Variants in BAX observed in about 807,000 individuals in gnomAD.
BAX encodes apoptosis regulator BAX.
In BAX, 21 loss-of-function variants were observed where a neutral mutation model predicts 26.8. The observed-to-expected ratio is 0.78, with a 90% CI of 0.56 to 1.13. The LOEUF is 1.13. BAX is among the 50% of genes most tolerant of loss of function. The probability of loss-of-function intolerance (pLI) is 0.00; values close to 1 mark genes in which losing one functional copy is unlikely to be tolerated. For synonymous variants in BAX, 110 were observed against 101.8 expected, an observed-to-expected ratio of 1.08 and a Z score of -0.49; for missense variants, 236 against 254.6, an observed-to-expected ratio of 0.93 and a Z score of 0.50.
intron 4 of BAX, among the ~76,000 whole-genome samples, chr19:48,957,331 A>G (rs552277006): frequency 2.6e-4 from 33 of 126,768 alleles, no homozygotes; most frequent in African/African-American, 6.3e-4. Flanking sequence ...CTGGAGTGCA[A>G]TGGCGCCATC....
Position 48,955,567 on chromosome 19 carries a change from G to C in BAX, c.54G>C (p.Gln18His). 6.2e-7 allele frequency: 1 copy of C among 1,613,974 alleles called. No homozygotes were observed. Among genetic ancestry groups the C allele is most frequent in the Non-Finnish European group, 8.5e-7 (1 of 1,179,940 alleles). Residue 18 changes from glutamine to histidine, a missense_variant, in exon 2 of 6, where the codon CAG (glutamine) becomes CAC (histidine). By Grantham distance (24) the Gln-to-His change is conservative (BLOSUM62 0). Coordinates refer to ENST00000345358, the MANE Select transcript of BAX (RefSeq NM_138761.4). ...CTCTAGGGCCCACCAGCTCTGAGCAGATCATGAAGACAGGGGCCCTTTTGC... is the reference window on the plus strand; with the variant it reads ...CTCTAGGGCCCACCAGCTCTGAGCACATCATGAAGACAGGGGCCCTTTTGC... ...PRGGGPTSSE[Q>H]IMKTGALLLQ... is the part of the protein sequence containing the mutation.
chr19:48,960,747 G>T, intron 4 of BAX, 63 bp from the exon 5 acceptor site: 1 of 1,360,178 alleles, frequency 7.4e-7, no homozygotes, highest in South Asian at 1.3e-5. Flanking sequence ...GGAGGTTTGG[G>T]GCCACTATCT....
Position 48,960,839 on chromosome 19 carries a change from C to T in BAX, c.399C>T (p.Ile133=), listed in dbSNP as rs1249224639. The change falls in exon 5 of 6, where the codon ATC becomes ATT. Residue 133 remains isoleucine (I), a synonymous_variant. Transcript: ENST00000345358. ...KALCTKVPEL[I]RTIMGWTLDF... The stretch of plus-strand genomic sequence containing the variant: ...TGTGCACCAAGGTGCCGGAACTGAT[C>T]AGAACCATCATGGGCTGGACATTGG... 3.7e-6 allele frequency: 6 copies of T among 1,613,954 alleles called. No homozygotes were observed. The highest frequency in any genetic ancestry group is 5.1e-6 in the Non-Finnish European group (6 of 1,179,982).
intron 4 of BAX, among the ~76,000 whole-genome samples, chr19:48,959,660 C>CA (rs1229929205): frequency 0.039 from 3,679 of 94,614 alleles, 56 homozygotes; most frequent in African/African-American, 0.067. Context: ...ACTAAAAATT[C>CA]AAAAAAAAAA....
chr19:48,956,060 C>T (rs1322666548), intron 3 of BAX, 138 bp from the exon 4 acceptor site: 8 of 1,232,128 alleles, frequency 6.5e-6, no homozygotes, highest in Non-Finnish European at 8.8e-6. Context: ...CTTCCCTTGT[C>T]CCCCGTTGGC....
intron 4 of BAX, among the ~76,000 whole-genome samples, chr19:48,957,521 C>T (rs190154938): frequency 0.021 from 3,075 of 149,820 alleles, 69 homozygotes; most frequent in East Asian, 0.082. Flanking sequence ...GTGATCCGCC[C>T]ACCTTGGCCT....
chr19:48,955,818 A>T lies in BAX; in HGVS notation c.218A>T (p.Asn73Ile). 1 of 1,602,920 alleles carries T rather than the reference A, an allele frequency of 6.2e-7. No homozygotes were observed. The highest frequency in any genetic ancestry group is 8.5e-7 in the Non-Finnish European group (1 of 1,173,712). ...LKRIGDELDS[N>I]MELQRMIAAV... ...CGCATCGGGGACGAACTGGACAGTA[A>T]CATGGAGCTGCAGAGGTGTGGGCCC... is the stretch of plus-strand genomic sequence containing the variant. The change falls in exon 3 of 6, where the codon AAC (asparagine) becomes ATC (isoleucine). Residue 73 changes from asparagine to isoleucine, a missense_variant. Physicochemically the swap from Asn to Ile is moderately radical, Grantham distance 149. Coordinates refer to ENST00000345358, the MANE Select transcript of BAX (RefSeq NM_138761.4).
At chr19:48,959,852 G>T (rs910414654) in intron 4 of BAX, among the ~76,000 whole-genome samples, 1 of 151,404 alleles carries the variant, frequency 6.6e-6, no homozygotes, top group Admixed American at 6.6e-5. Context: ...AATTAGCCAG[G>T]CATGTTGGCA....
chr19:48,958,576 C>T (rs1276041086), intron 4 of BAX, among the ~76,000 whole-genome samples: 5 of 148,414 alleles, frequency 3.4e-5, no homozygotes, highest in East Asian at 4.0e-4. Flanking sequence ...GAGTCTCTCT[C>T]GGTTGCACCC....
At chr19:48,961,194 C>T in intron 5 of BAX, 3 of 1,497,076 alleles carry the variant, frequency 2.0e-6, no homozygotes, top group Non-Finnish European at 2.7e-6. Flanking sequence ...CCTGGAGCCT[C>T]CACTGCCTCT....
rs1387292547 is a variant in BAX, at chr19:48,955,828, G to A, written c.228G>A (p.Leu76=). 1 of 1,593,092 alleles carries A rather than the reference G, an allele frequency of 6.3e-7. No homozygotes were observed. Among genetic ancestry groups the A allele is most frequent in the Middle Eastern group, 1.7e-4 (1 of 5,928 alleles). ...IGDELDSNME[L]QRMIAAVDTD... is the part of the protein sequence containing the mutation. ...ACGAACTGGACAGTAACATGGAGCT[G>A]CAGAGGTGTGGGCCCCTGAGGACCC... The change falls in exon 3 of 6, where the codon CTG becomes CTA. Residue 76 remains leucine, a synonymous_variant. Coordinates refer to ENST00000345358, the MANE Select transcript of BAX (RefSeq NM_138761.4).
chr19:48,957,869 T>G (rs1024079687), intron 4 of BAX, among the ~76,000 whole-genome samples: 9 of 152,140 alleles, frequency 5.9e-5, no homozygotes, highest in Admixed American at 4.6e-4. Flanking sequence ...TAATTATAGG[T>G]GGCGGCTATA....
chr19:48,955,799 G>A lies in BAX; in HGVS notation c.199G>A (p.Gly67Arg), dbSNP rs398122513. ...GCTGAGCGAGTGTCTCAAGCGCATC[G>A]GGGACGAACTGGACAGTAACATGGA... The part of the protein sequence containing the change: ...KKLSECLKRI[G>R]DELDSNMELQ... The change falls in exon 3 of 6, where the codon GGG becomes AGG. Residue 67 changes from glycine to arginine, a missense_variant. By Grantham distance (125) the Gly-to-Arg change is moderately radical. Transcript: ENST00000345358. 1 of 1,611,064 alleles carries A rather than the reference G, an allele frequency of 6.2e-7. No individual in the cohort carries two copies. Among genetic ancestry groups the A allele is most frequent in the Non-Finnish European group, 8.5e-7 (1 of 1,178,482 alleles).
rs745430026 is a variant in BAX, at chr19:48,955,717, G to A, written c.117G>A (p.Gly39=). The A allele has an allele frequency of 6.2e-6, 10 of 1,612,944 alleles. No homozygotes were observed. The highest frequency in any genetic ancestry group is 1.1e-5 in the South Asian group (1 of 90,978). Residue 39 remains glycine (G), a synonymous_variant, in exon 3 of 6, where the codon GGG becomes GGA. Coordinates refer to ENST00000345358, the MANE Select transcript of BAX (RefSeq NM_138761.4). Reference sequence around the variant, plus strand: ...TCCAGGATCGAGCAGGGCGAATGGGGGGGGAGGCACCCGAGCTGGCCCTGG... The same window carrying A: ...TCCAGGATCGAGCAGGGCGAATGGGAGGGGAGGCACCCGAGCTGGCCCTGG... ...GFIQDRAGRM[G]GEAPELALDP...
chr19:48,956,581 C>T (rs1293770125), intron 4 of BAX, among the ~76,000 whole-genome samples: 1 of 152,022 alleles, frequency 6.6e-6, no homozygotes, highest in Non-Finnish European at 1.5e-5. Flanking sequence ...TCCCTGCTCT[C>T]AGGGAGTTCA....
chr19:48,956,260 T>A lies in BAX; in HGVS notation c.296T>A (p.Met99Lys). The stretch of plus-strand genomic sequence containing the variant: ...GTCTTTTTCCGAGTGGCAGCTGACA[T>A]GTTTTCTGACGGCAACTTCAACTGG... ...REVFFRVAAD[M>K]FSDGNFNWGR... The change falls in exon 4 of 6, where the codon ATG (methionine) becomes AAG (lysine). Residue 99 changes from methionine (M) to lysine (K), a missense_variant. Met to Lys is a moderately conservative substitution (Grantham distance 95, BLOSUM62 -1). Coordinates refer to ENST00000345358, the MANE Select transcript of BAX (RefSeq NM_138761.4). The A allele has an allele frequency of 6.3e-7, 1 of 1,589,524 alleles. No homozygotes were observed. The highest frequency in any genetic ancestry group is 8.6e-7 in the Non-Finnish European group (1 of 1,168,806).
In BAX at chr19:48,956,255, T is replaced by G. The variant is rs1438637392; in HGVS notation, c.291T>G (p.Ala97=). The G allele has an allele frequency of 6.3e-7, 1 of 1,589,672 alleles. No individual in the cohort carries two copies. Among genetic ancestry groups the G allele is most frequent in the East Asian group, 2.3e-5 (1 of 42,632 alleles). Residue 97 remains alanine, a synonymous_variant, in exon 4 of 6, where the codon GCT becomes GCG. Transcript: ENST00000345358. ...GAGAGGTCTTTTTCCGAGTGGCAGC[T>G]GACATGTTTTCTGACGGCAACTTCA... The part of the protein sequence containing the change: ...SPREVFFRVA[A]DMFSDGNFNW...
At chr19:48,956,135 C>T (rs1021523825) in intron 3 of BAX, 63 bp from the exon 4 acceptor site, 11 of 1,449,866 alleles carry the variant, frequency 7.6e-6, no homozygotes, top group Admixed American at 2.6e-5. Context: ...GCGGTGGATG[C>T]GGGAATTTTC....
At chr19:48,957,937 TGTG>T (rs1402939382) in intron 4 of BAX, among the ~76,000 whole-genome samples, 6 of 151,920 alleles carry the variant, frequency 3.9e-5, no homozygotes, top group Non-Finnish European at 8.8e-5. Context: ...CATAAGAAAA[TGTG>T]GTGGGGGTGG....
Sources: gnomAD v4.1 joint callset for allele counts (sites outside exome capture counted in the v4.1 genomes callset) on GRCh38, gnomAD v4.1.1 for gene constraint, MANE v1.5 for transcripts, NCBI Gene and HGNC (gene_info 2026-07-23, HGNC 2026-07-21) for gene names.